Variants in TUT4 observed in about 807,000 individuals in gnomAD.
TUT4 encodes terminal uridylyltransferase 4.
In TUT4, 36 loss-of-function variants were observed where a neutral mutation model predicts 192.2. The ratio of observed to expected loss-of-function variants is 0.19; its 90% CI spans 0.14 to 0.25. The LOEUF is 0.25. Among genes scored for constraint, TUT4 ranks in the 10% least tolerant of loss-of-function variants. The pLI is 1.00. For synonymous variants in TUT4, 618 were observed against 666.0 expected, an observed-to-expected ratio of 0.93 and a Z score of 1.11; for missense variants, 1,493 against 1,957.2, an observed-to-expected ratio of 0.76 and a Z score of 4.47.
intron 28 of TUT4, among the ~76,000 whole-genome samples, chr1:52,428,833 G>A (rs1455207128): frequency 6.6e-6 from 1 of 151,830 alleles, no homozygotes; most frequent in African/African-American, 2.4e-5. Context: ...ACTGAACAAG[G>A]ACTGGGTATT....
chr1:52,531,714 C>T (rs1683465290), intron 1 of TUT4, among the ~76,000 whole-genome samples: 1 of 152,034 alleles, frequency 6.6e-6, no homozygotes, highest in Admixed American at 6.6e-5. Flanking sequence ...GGAAATGTCT[C>T]TCTTTCAGAA....
intron 24 of TUT4, among the ~76,000 whole-genome samples, chr1:52,442,415 G>A (rs1406769244): frequency 6.6e-6 from 1 of 152,162 alleles, no homozygotes; most frequent in Non-Finnish European, 1.5e-5. Flanking sequence ...TATAATCTCA[G>A]TAACTAGGAG....
In TUT4 at chr1:52,525,740, C is replaced by T; in HGVS notation, c.541G>A (p.Gly181Arg). The T allele has an allele frequency of 6.2e-7, 1 of 1,613,984 alleles. No individual in the cohort carries two copies. The highest frequency in any genetic ancestry group is 1.7e-5 in the Admixed American group (1 of 60,012). Residue 181 changes from glycine to arginine, a missense_variant, in exon 2 of 30, where the codon GGA becomes AGA. This residue lies in a region of TUT4 where 260 missense variants were observed against 247.8 expected (regional missense o/e 1.05). Coordinates refer to ENST00000257177, the MANE Select transcript of TUT4 (RefSeq NM_001009881.3). ...MRQKTELQQI[G>R]KKIPSSFTSV... The stretch of plus-strand genomic sequence containing the variant: ...GTAAAGGAGCTTGGAATTTTTTTTC[C>T]AATCTGTTGTAATTCTGTCTTCTGT...
At chr1:52,510,317 C>CAAAAAAAAAAAAAAAAAAAAAAAAAAA (rs200690805) in intron 3 of TUT4, among the ~76,000 whole-genome samples, 1 of 78,628 alleles carries the variant, frequency 1.3e-5, no homozygotes, top group Non-Finnish European at 2.6e-5. Flanking sequence ...TTCGTATTAA[C>CAAAAAAAAAAAAAAAAAAAAAAAAAAA]AAAAAAAAAA....
rs149020303 is a variant in TUT4, at chr1:52,494,070, G to A, written c.1267-408C>T. On this transcript the variant is annotated intron_variant, in intron 6 of 29. Coordinates refer to ENST00000257177, the MANE Select transcript of TUT4 (RefSeq NM_001009881.3). ...CTCCTACTTTTGCCTCCCAAAGCAC[G>A]GGAATTATAAGCATGAGCCACCTTA... Among the ~76,000 whole-genome samples, 138 of 151,738 alleles carry A rather than the reference G, an allele frequency of 9.1e-4. 3 individuals are homozygous for A. The East Asian group carries it at 0.019, about 21-fold the overall frequency.
rs190488777 is a variant in TUT4 at position 52,481,453 on chromosome 1, T to C, written c.1818A>G (p.Gln606=). 2 of 1,614,006 alleles carry C rather than the reference T, an allele frequency of 1.2e-6. No homozygotes were observed. Among genetic ancestry groups the C allele is most frequent in the Non-Finnish European group, 1.7e-6 (2 of 1,179,952 alleles). The part of the protein sequence containing the change: ...DDTKKTETDN[Q]SNAMKEKHGK... ...CATGTTTTTCCTTCATGGCATTACTTTGGTTGTCTGTTTCTGTCTTCTTGG... is the reference window on the plus strand; with the variant it reads ...CATGTTTTTCCTTCATGGCATTACTCTGGTTGTCTGTTTCTGTCTTCTTGG... The change falls in exon 11 of 30, where the codon CAA becomes CAG. Residue 606 remains glutamine, a synonymous_variant. Transcript: ENST00000257177.
chr1:52,509,520 T>A (rs1676524583), intron 4 of TUT4, 76 bp downstream of exon 4: 1 of 890,060 alleles, frequency 1.1e-6, no homozygotes, highest in Admixed American at 2.7e-5. Flanking sequence ...TCATTTTTAG[T>A]TTCACAAATA....
At chr1:52,531,688 G>C (rs1393326157) in intron 1 of TUT4, among the ~76,000 whole-genome samples, 1 of 151,820 alleles carries the variant, frequency 6.6e-6, no homozygotes, top group Non-Finnish European at 1.5e-5. Flanking sequence ...ACTTTATGTT[G>C]TCTACAATAT....
At chr1:52,461,954 G>T in intron 16 of TUT4, 185 bp from the exon 17 acceptor site, 1 of 430,536 alleles carries the variant, frequency 2.3e-6, no homozygotes, top group Non-Finnish European at 4.2e-6. Context: ...TGATAGAAAT[G>T]CAGAATCTGA....
At chr1:52,434,517 A>C (rs1653125034) in intron 27 of TUT4, 1 of 152,240 alleles carries the variant, frequency 6.6e-6, no homozygotes, top group African/African-American at 2.4e-5. Context: ...CACAAAGGTT[A>C]AGAGCAACTC....
At chr1:52,536,443 C>T (rs562844179) in intron 1 of TUT4, among the ~76,000 whole-genome samples, 2 of 152,156 alleles carry the variant, frequency 1.3e-5, no homozygotes, top group Admixed American at 6.5e-5. Context: ...AAAAAGGCAG[C>T]ATTAGAGGAA....
At chr1:52,493,460 C>T in intron 7 of TUT4, 151 bp downstream of exon 7, 1 of 534,012 alleles carries the variant, frequency 1.9e-6, no homozygotes, top group Non-Finnish European at 3.3e-6. Context: ...TATCTATAAA[C>T]AAGTGTGTGT....
At chr1:52,450,595 G>T (rs1557688621) in intron 20 of TUT4, among the ~76,000 whole-genome samples, 2 of 152,144 alleles carry the variant, frequency 1.3e-5, no homozygotes, top group African/African-American at 4.8e-5. Context: ...GTTTATGAAT[G>T]TCTACTTTAG....
chr1:52,452,102 C>T (rs1659603772), intron 20 of TUT4, among the ~76,000 whole-genome samples: 1 of 151,590 alleles, frequency 6.6e-6, no homozygotes, highest in African/African-American at 2.4e-5. Flanking sequence ...CTTCCTAACT[C>T]ATTCTACAAG....
At chr1:52,455,379 C>A (rs1660589743) in intron 20 of TUT4, among the ~76,000 whole-genome samples, 1 of 151,720 alleles carries the variant, frequency 6.6e-6, no homozygotes, top group Non-Finnish European at 1.5e-5. Flanking sequence ...CTTTGAGAGG[C>A]CGAGGTGGGC....
intron 27 of TUT4, chr1:52,432,988 A>T (rs1179592169): frequency 6.6e-6 from 1 of 152,328 alleles, no homozygotes; most frequent in Non-Finnish European, 1.5e-5. Flanking sequence ...AGACTGCTAA[A>T]AGGCTGTTGA....
chr1:52,479,721 G>A (rs1429047452), intron 11 of TUT4, among the ~76,000 whole-genome samples: 1 of 152,134 alleles, frequency 6.6e-6, no homozygotes, highest in Admixed American at 6.5e-5. Context: ...ACGGCCGGGC[G>A]CGGAGGCTCA....
rs566428169 is a variant in TUT4, at chr1:52,427,646, T to A, written c.4712-2139A>T. 3.9e-5 allele frequency among the ~76,000 whole-genome samples: 6 copies of A among 152,342 alleles called. No homozygotes were observed. The South Asian group carries it at 1.2e-3, about 32-fold the overall frequency. ...TATCCTCTGATCTTAGAAATCTAAT[T>A]AAGTTACCATATTCTGGCATTTTTG... On this transcript the variant is annotated intron_variant, in intron 28 of 29. Coordinates refer to ENST00000257177, the MANE Select transcript of TUT4 (RefSeq NM_001009881.3).
chr1:52,486,921 T>A (rs1391750133), intron 9 of TUT4, among the ~76,000 whole-genome samples: 1 of 152,204 alleles, frequency 6.6e-6, no homozygotes, highest in South Asian at 2.1e-4. Flanking sequence ...CTTATTTTAC[T>A]GAGTAGAACA....
Sources: gnomAD v4.1 joint callset for allele counts (sites outside exome capture counted in the v4.1 genomes callset) on GRCh38, gnomAD v4.1.1 for gene constraint, gnomAD v4.1.1 regional missense constraint, MANE v1.5 for transcripts, NCBI Gene and HGNC (gene_info 2026-07-23, HGNC 2026-07-21) for gene names.